Variants in TWSG1 observed in about 807,000 individuals in gnomAD.
TWSG1 encodes the protein twisted gastrulation BMP signaling modulator 1.
A neutral mutation model predicts 23.0 loss-of-function variants in TWSG1; 15 were observed. The ratio of observed to expected loss-of-function variants is 0.65; its 90% CI spans 0.44 to 1.00. TWSG1 has a LOEUF of 1.00. Ranked by LOEUF, TWSG1 falls within the 50% of genes least tolerant of loss-of-function variation. The pLI is 0.00. For synonymous variants in TWSG1, 86 were observed against 92.8 expected (o/e 0.93, Z 0.42); for missense variants, 242 against 278.7 (o/e 0.87, Z 0.94).
At chr18:9,379,487 G>T (rs1236515091) in intron 3 of TWSG1, among the ~76,000 whole-genome samples, 1 of 151,984 alleles carries the variant, frequency 6.6e-6, no homozygotes, top group African/African-American at 2.4e-5. Context: ...AGAAGGAGGG[G>T]AACAACAGAC....
Position 9,399,232 on chromosome 18 carries a change from C to T in TWSG1, c.491-114C>T, listed in dbSNP as rs2040751677. On this transcript the variant is annotated intron_variant, in intron 4 of 4. Transcript: ENST00000262120. ...TACCTCATCTTTGTCATGTACAGACCAGTAATAAGAGAACCAAGATAAATA... is the reference window on the plus strand; with the variant it reads ...TACCTCATCTTTGTCATGTACAGACTAGTAATAAGAGAACCAAGATAAATA... 3.0e-5 allele frequency: 19 copies of T among 633,718 alleles called. 1 individual carries two copies. The South Asian group carries it at 4.5e-4, about 15-fold the overall frequency. 39.3% of individuals were successfully genotyped at this position (633,718 alleles called of 1,614,324 possible). A position where few individuals can be genotyped will look rare whatever the true frequency, so the allele number is the denominator to read the frequency against.
chr18:9,393,009 A>G (rs978452143), intron 3 of TWSG1, among the ~76,000 whole-genome samples: 1 of 152,226 alleles, frequency 6.6e-6, no homozygotes, highest in African/African-American at 2.4e-5. Context: ...CAATAGTAAC[A>G]TCAAAGATTA....
At chr18:9,369,680 C>T (rs2040595772) in intron 3 of TWSG1, among the ~76,000 whole-genome samples, 1 of 152,020 alleles carries the variant, frequency 6.6e-6, no homozygotes, top group South Asian at 2.1e-4. Context: ...GGAGTGTGCA[C>T]ACCACCATAC....
chr18:9,382,482 C>T lies in TWSG1; in HGVS notation c.224-13798C>T, dbSNP rs188203605. Among the ~76,000 whole-genome samples the T allele has an allele frequency of 1.4e-3, 211 of 151,966 alleles. 1 individual carries two copies. Among genetic ancestry groups the T allele is most frequent in the African/African-American group, 4.9e-3 (205 of 41,480 alleles). The stretch of plus-strand genomic sequence containing the variant: ...AGGTTGCAGTGAACCGATATCGGGC[C>T]ACTGCACTCCAGCCTAGGTGACAGA... On this transcript the variant is annotated intron_variant, in intron 3 of 4. Transcript: ENST00000262120.
chr18:9,366,133 A>G (rs1256645840), intron 3 of TWSG1, among the ~76,000 whole-genome samples: 3 of 152,238 alleles, frequency 2.0e-5, no homozygotes, highest in Non-Finnish European at 2.9e-5. Context: ...CACTGTTTGT[A>G]TAATGTTGAT....
intron 2 of TWSG1, among the ~76,000 whole-genome samples, chr18:9,338,920 A>G (rs1221677069): frequency 3.9e-5 from 6 of 152,236 alleles, no homozygotes; most frequent in East Asian, 1.9e-4. Context: ...TACTTTGGCC[A>G]TGCACAGTGG....
chr18:9,379,888 G>T (rs946812660), intron 3 of TWSG1, among the ~76,000 whole-genome samples: 1 of 152,088 alleles, frequency 6.6e-6, no homozygotes, highest in Non-Finnish European at 1.5e-5. Flanking sequence ...CATAAACATG[G>T]TATCACTTTG....
Position 9,402,124 on chromosome 18 carries a change from G to C in TWSG1, c.*2597G>C, listed in dbSNP as rs1391957884. 6.6e-6 allele frequency: 1 copy of C among 152,100 alleles called. No homozygotes were observed. The highest frequency in any genetic ancestry group is 1.5e-5 in the Non-Finnish European group (1 of 68,002). The allele number at this position is 152,100 out of a possible 1,614,324, so 9.4% of individuals were successfully genotyped here. A position where few individuals can be genotyped will look rare whatever the true frequency, so the allele number is the denominator to read the frequency against. Reference sequence around the variant, plus strand: ...AAAAGAGGTCTTCATTTAGACATGTGATTTCTAAAATTCCAGAAAGCAAAA... The same window carrying C: ...AAAAGAGGTCTTCATTTAGACATGTCATTTCTAAAATTCCAGAAAGCAAAA... On this transcript the variant is annotated 3_prime_UTR_variant, in exon 5 of 5. Transcript: ENST00000262120.
chr18:9,396,639 A>C, intron 4 of TWSG1, 93 bp downstream of exon 4: 1 of 1,468,854 alleles, frequency 6.8e-7, no homozygotes, highest in Non-Finnish European at 9.1e-7. Flanking sequence ...CTTTTGGAGC[A>C]GCCTTTTGGT....
At chr18:9,343,142 G>C (rs183236964) in intron 2 of TWSG1, among the ~76,000 whole-genome samples, 45 of 135,596 alleles carry the variant, frequency 3.3e-4, no homozygotes, top group East Asian at 2.6e-3. Context: ...ATTCTGTTTG[G>C]TATCTTGTGA....
At chr18:9,373,463 G>A (rs2040615491) in intron 3 of TWSG1, among the ~76,000 whole-genome samples, 1 of 152,198 alleles carries the variant, frequency 6.6e-6, no homozygotes, top group African/African-American at 2.4e-5. Flanking sequence ...GAGCCTGAGA[G>A]GCAGAGGTTG....
At chr18:9,359,824 C>A in intron 2 of TWSG1, 148 bp from the exon 3 acceptor site, 1 of 533,322 alleles carries the variant, frequency 1.9e-6, no homozygotes, top group South Asian at 2.7e-5. Flanking sequence ...TATTTATGTT[C>A]TGATGAATAG....
chr18:9,382,607 AGT>A (rs1402839180), intron 3 of TWSG1, among the ~76,000 whole-genome samples: 9 of 151,678 alleles, frequency 5.9e-5, no homozygotes, highest in African/African-American at 2.2e-4. Context: ...TGAGGTCAGG[AGT>A]TCGCCTGGCC....
chr18:9,344,517 G>GTGTA (rs1555650748), intron 2 of TWSG1, among the ~76,000 whole-genome samples: 44 of 105,820 alleles, frequency 4.2e-4, no homozygotes, highest in Middle Eastern at 5.3e-3. Context: ...GTGTGTGTGT[G>GTGTA]TGTGTATGTA....
rs1409980630 is a variant in TWSG1 at position 9,402,371 on chromosome 18, TTTGG to T, written c.*2848_*2851del. The T allele has an allele frequency of 6.6e-6, 1 of 152,252 alleles. No individual in the cohort carries two copies. Among genetic ancestry groups the T allele is most frequent in the Non-Finnish European group, 1.5e-5 (1 of 68,044 alleles). The allele number at this position is 152,252 out of a possible 1,614,324, so 9.4% of individuals were successfully genotyped here. On this transcript the variant is annotated 3_prime_UTR_variant, in exon 5 of 5. Transcript: ENST00000262120. ...CAACATATAAAATTGTGTATTTTTC[TTTGG>T]TTGTCCCTATTAACAAAAAAGTATT...
At chr18:9,382,479 G>A (rs34741369) in intron 3 of TWSG1, among the ~76,000 whole-genome samples, 17,388 of 151,522 alleles carry the variant, frequency 0.11, 1,137 homozygotes, top group Middle Eastern at 0.27. Flanking sequence ...ACCGATATCG[G>A]GCCACTGCAC....
chr18:9,389,814 A>G (rs939150920), intron 3 of TWSG1, among the ~76,000 whole-genome samples: 1 of 152,390 alleles, frequency 6.6e-6, no homozygotes, highest in African/African-American at 2.4e-5. Context: ...TTTAGCTTTC[A>G]AAAGTATAGC....
intron 3 of TWSG1, among the ~76,000 whole-genome samples, chr18:9,390,617 G>A (rs1372230498): frequency 6.6e-6 from 1 of 152,160 alleles, no homozygotes; most frequent in African/African-American, 2.4e-5. Flanking sequence ...TTAAAATATG[G>A]TAACACTGAA....
intron 3 of TWSG1, among the ~76,000 whole-genome samples, chr18:9,371,072 G>A (rs1163029092): frequency 1.3e-5 from 2 of 151,390 alleles, no homozygotes; most frequent in Non-Finnish European, 2.9e-5. Context: ...ATACCTATTG[G>A]GCCTATTAGA....
Sources: allele counts gnomAD v4.1 joint callset (sites outside exome capture counted in the v4.1 genomes callset), GRCh38; gene constraint gnomAD v4.1.1; transcripts MANE v1.5; gene names NCBI Gene and HGNC (gene_info 2026-07-23, HGNC 2026-07-21).